Variants in PCDH15 observed in about 807,000 individuals in gnomAD.
PCDH15 encodes the protein protocadherin-15.
In PCDH15, 129 loss-of-function variants were observed where a neutral mutation model predicts 178.5. The observed-to-expected ratio is 0.72, with a 90% CI of 0.63 to 0.84. PCDH15 has a LOEUF of 0.84. Ranked by LOEUF, PCDH15 falls within the 40% of genes least tolerant of loss-of-function variation. The pLI, the probability that PCDH15 is intolerant of heterozygous loss-of-function variation, is 0.00. For missense variants in PCDH15, 2,230 were observed against 2,099.9 expected (o/e 1.06, Z -1.21); for synonymous variants, 800 against 732.0 (o/e 1.09, Z -1.50).
intron 3 of PCDH15, among the ~76,000 whole-genome samples, chr10:54,481,030 T>A (rs1389917506): frequency 6.6e-6 from 1 of 151,902 alleles, no homozygotes; most frequent in African/African-American, 2.4e-5. Context: ...CCTTTCCAAC[T>A]CTAATAATCT....
chr10:53,852,450 A>AGG (rs1477743836), intron 28 of PCDH15, among the ~76,000 whole-genome samples: 3 of 152,046 alleles, frequency 2.0e-5, no homozygotes, highest in African/African-American at 7.2e-5. Flanking sequence ...TTCCTTACTT[A>AGG]GGGGAATTGG....
chr10:54,308,142 G>A (rs529216340), intron 8 of PCDH15, among the ~76,000 whole-genome samples: 50 of 152,124 alleles, frequency 3.3e-4, no homozygotes, highest in Admixed American at 5.9e-4. Flanking sequence ...ACTATCTTAC[G>A]CTGTGATGGT....
chr10:54,927,361 A>G (rs542942677), intron 2 of PCDH15, among the ~76,000 whole-genome samples: 1 of 152,182 alleles, frequency 6.6e-6, no homozygotes, highest in African/African-American at 2.4e-5. Context: ...CAATTATGCA[A>G]TCAATTTTAT....
intron 1 of PCDH15, among the ~76,000 whole-genome samples, chr10:54,673,774 T>G (rs2135537422): frequency 6.6e-6 from 1 of 152,304 alleles, no homozygotes; most frequent in Admixed American, 6.5e-5. Context: ...AATATTAATA[T>G]GTATGTAATG....
chr10:55,484,505 C>T (rs193160412), intron 2 of PCDH15, among the ~76,000 whole-genome samples: 2 of 151,502 alleles, frequency 1.3e-5, no homozygotes, highest in Admixed American at 1.3e-4. Flanking sequence ...CTATCCCTAA[C>T]AAAATACCAA....
intron 2 of PCDH15, among the ~76,000 whole-genome samples, chr10:55,582,852 CA>C (rs1354014199): frequency 6.6e-6 from 1 of 151,170 alleles, no homozygotes; most frequent in Non-Finnish European, 1.5e-5. Context: ...ACTAATGATC[CA>C]AAATCATATT....
intron 20 of PCDH15, among the ~76,000 whole-genome samples, chr10:54,016,952 C>T (rs968772099): frequency 2.0e-5 from 3 of 152,168 alleles, no homozygotes; most frequent in Non-Finnish European, 4.4e-5. Flanking sequence ...CGACCATTCC[C>T]TAAACCTTTT....
chr10:55,188,227 T>C (rs1427871228), intron 1 of PCDH15, among the ~76,000 whole-genome samples: 2 of 151,988 alleles, frequency 1.3e-5, no homozygotes, highest in Non-Finnish European at 2.9e-5. Context: ...AGATAATTTA[T>C]TTATTTCTTC....
intron 2 of PCDH15, among the ~76,000 whole-genome samples, chr10:55,498,975 G>A (rs1840594696): frequency 6.6e-6 from 1 of 151,884 alleles, no homozygotes; most frequent in Admixed American, 6.6e-5. Flanking sequence ...TCTAGGAGTT[G>A]AAAAATTATG....
chr10:55,535,667 C>T (rs749576593), intron 2 of PCDH15, among the ~76,000 whole-genome samples: 2 of 151,976 alleles, frequency 1.3e-5, no homozygotes, highest in Admixed American at 6.6e-5. Context: ...AAAGCAAAAG[C>T]AGATATATTG....
intron 1 of PCDH15, among the ~76,000 whole-genome samples, chr10:54,717,609 C>T (rs1272953616): frequency 7.5e-6 from 1 of 134,228 alleles, no homozygotes; most frequent in Non-Finnish European, 1.6e-5. Context: ...AGTCAGGAAA[C>T]AACAGGTGCT....
chr10:55,302,839 C>G (rs1380606642), intron 1 of PCDH15, among the ~76,000 whole-genome samples: 2 of 152,036 alleles, frequency 1.3e-5, no homozygotes, highest in Non-Finnish European at 2.9e-5. Context: ...AATCTTCAAG[C>G]AAAGACAATA....
intron 13 of PCDH15, among the ~76,000 whole-genome samples, chr10:54,178,359 T>C (rs2047646247): frequency 6.6e-6 from 1 of 152,132 alleles, no homozygotes; most frequent in Non-Finnish European, 1.5e-5. Context: ...TGATACATTT[T>C]TGTCGATAAG....
intron 2 of PCDH15, among the ~76,000 whole-genome samples, chr10:55,003,355 A>G (rs933620571): frequency 1.3e-5 from 2 of 152,166 alleles, no homozygotes; most frequent in African/African-American, 4.8e-5. Context: ...TATGTTTTCA[A>G]AAAGATTGCT....
At chr10:53,855,446 T>C (rs139354692) in intron 28 of PCDH15, among the ~76,000 whole-genome samples, 269 of 152,168 alleles carry the variant, frequency 1.8e-3, no homozygotes, top group African/African-American at 6.1e-3. Context: ...CACTGTACAA[T>C]TGATATTCCA....
intron 7 of PCDH15, among the ~76,000 whole-genome samples, chr10:54,326,281 A>G (rs1400681109): frequency 6.6e-6 from 1 of 152,190 alleles, no homozygotes; most frequent in African/African-American, 2.4e-5. Context: ...CTTCTTTATC[A>G]TTTGTGGAAG....
At chr10:55,248,446 C>G (rs1318436536) in intron 1 of PCDH15, among the ~76,000 whole-genome samples, 1 of 152,054 alleles carries the variant, frequency 6.6e-6, no homozygotes, top group African/African-American at 2.4e-5. Context: ...TTACATTTAT[C>G]TATTCAATTC....
intron 2 of PCDH15, among the ~76,000 whole-genome samples, chr10:55,416,872 A>C (rs7095156): frequency 0.5 from 75,135 of 151,508 alleles, 19,810 homozygotes; most frequent in African/African-American, 0.61. Flanking sequence ...CTGAGATCTT[A>C]ATTTGTGAGT....
At chr10:54,422,801 G>A (rs555968426) in intron 3 of PCDH15, among the ~76,000 whole-genome samples, 1 of 152,266 alleles carries the variant, frequency 6.6e-6, no homozygotes, top group East Asian at 1.9e-4. Flanking sequence ...TTTTGTCATT[G>A]TCAGTTAGGG....
Sources: allele counts gnomAD v4.1 joint callset (sites outside exome capture counted in the v4.1 genomes callset), GRCh38; gene constraint gnomAD v4.1.1; transcripts MANE v1.5; gene names NCBI Gene and HGNC (gene_info 2026-07-23, HGNC 2026-07-21).